Variants in RAB3IP observed in about 807,000 individuals in gnomAD.
RAB3IP encodes RAB3A interacting protein, also known as rab-3A-interacting protein.
Under a neutral mutation model 59.1 loss-of-function variants are expected in RAB3IP, and 36 were observed. That is an observed-to-expected ratio of 0.61 (90% CI 0.47 to 0.80). RAB3IP has a LOEUF of 0.80. Among genes scored for constraint, RAB3IP ranks in the 30% least tolerant of loss-of-function variants. The pLI is 0.00. For missense variants in RAB3IP, 511 were observed against 536.0 expected (o/e 0.95, Z 0.46); for synonymous variants, 207 against 191.2 (o/e 1.08, Z -0.68).
At chr12:69,748,623 T>A (rs1266111731) in intron 1 of RAB3IP, among the ~76,000 whole-genome samples, 1 of 152,192 alleles carries the variant, frequency 6.6e-6, no homozygotes, top group East Asian at 1.9e-4. Context: ...GCCAGCCAAG[T>A]TGTGTTGGTG....
At chr12:69,747,368 C>A (rs1017333401) in intron 1 of RAB3IP, among the ~76,000 whole-genome samples, 1 of 151,518 alleles carries the variant, frequency 6.6e-6, no homozygotes, top group Non-Finnish European at 1.5e-5. Context: ...CTCTGTTGCT[C>A]AGGCTGGAGT....
chr12:69,761,914 C>T (rs1288050258), intron 3 of RAB3IP, among the ~76,000 whole-genome samples: 2 of 152,076 alleles, frequency 1.3e-5, no homozygotes, highest in Admixed American at 6.5e-5. Context: ...TGTTTGGGGC[C>T]TTTGTAATTT....
At chr12:69,768,573 T>C (rs1469247442) in intron 3 of RAB3IP, among the ~76,000 whole-genome samples, 1 of 151,806 alleles carries the variant, frequency 6.6e-6, no homozygotes, top group South Asian at 2.1e-4. Context: ...TGGGGTGGAG[T>C]GAGAGGACTC....
intron 1 of RAB3IP, among the ~76,000 whole-genome samples, chr12:69,744,074 T>C (rs1592424674): frequency 1.3e-5 from 2 of 152,042 alleles, no homozygotes; most frequent in Non-Finnish European, 2.9e-5. Context: ...CCATGGTGGT[T>C]TGCTGCACCG....
intron 8 of RAB3IP, among the ~76,000 whole-genome samples, chr12:69,804,736 C>T (rs1395129776): frequency 1.3e-5 from 2 of 151,738 alleles, no homozygotes; most frequent in Non-Finnish European, 3.0e-5. Flanking sequence ...TTCCCAGCAC[C>T]ATTTATTAAA....
At chr12:69,766,566 G>T (rs1403316664) in intron 3 of RAB3IP, among the ~76,000 whole-genome samples, 6 of 151,348 alleles carry the variant, frequency 4.0e-5, no homozygotes, top group Admixed American at 2.0e-4. Flanking sequence ...TGTCACCCAG[G>T]CTGGAGTGCA....
At chr12:69,813,126 C>T in intron 10 of RAB3IP, 93 bp downstream of exon 10, 1 of 803,512 alleles carries the variant, frequency 1.2e-6, no homozygotes, top group Non-Finnish European at 2.0e-6. Context: ...AGTAGTAATG[C>T]TCATATCAGC....
At chr12:69,790,281 T>G (rs985750000) in intron 4 of RAB3IP, among the ~76,000 whole-genome samples, 2 of 152,162 alleles carry the variant, frequency 1.3e-5, no homozygotes, top group African/African-American at 4.8e-5. Context: ...AAAAGGAATT[T>G]AAGAGAACAA....
intron 3 of RAB3IP, among the ~76,000 whole-genome samples, chr12:69,768,329 G>T (rs1872562031): frequency 6.6e-6 from 1 of 152,190 alleles, no homozygotes; most frequent in African/African-American, 2.4e-5. Context: ...AATACCTGGA[G>T]ATCTGCCTGG....
intron 8 of RAB3IP, among the ~76,000 whole-genome samples, chr12:69,809,692 C>CG (rs1565931190): frequency 6.6e-6 from 1 of 152,176 alleles, no homozygotes; most frequent in African/African-American, 2.4e-5. Flanking sequence ...TTGATTGCAT[C>CG]GGTTACTGAG....
At chr12:69,755,219 C>CA (rs1323522781) in intron 1 of RAB3IP, among the ~76,000 whole-genome samples, 165 bp from the exon 2 acceptor site, 1 of 152,164 alleles carries the variant, frequency 6.6e-6, no homozygotes, top group Non-Finnish European at 1.5e-5. Context: ...GCTGGTACTA[C>CA]AGGCATATAC....
At chr12:69,812,278 G>A (rs552481046) in intron 8 of RAB3IP, 2 of 152,522 alleles carry the variant, frequency 1.3e-5, no homozygotes, top group African/African-American at 4.8e-5. Context: ...TTATAAGGTG[G>A]CTTATTCCTT....
At chr12:69,807,530 A>T (rs1376290065) in intron 8 of RAB3IP, among the ~76,000 whole-genome samples, 1 of 145,668 alleles carries the variant, frequency 6.9e-6, no homozygotes, top group Non-Finnish European at 1.5e-5. Flanking sequence ...CTCACCTCCC[A>T]GACAGGGTGG....
At chr12:69,755,689 T>C in intron 2 of RAB3IP, 30 bp downstream of exon 2, 1 of 1,564,402 alleles carries the variant, frequency 6.4e-7, no homozygotes, top group Non-Finnish European at 8.7e-7. Context: ...CTTATTTGAT[T>C]TTTTTTAAAA....
Position 69,821,599 on chromosome 12 carries a change from A to G in RAB3IP, c.*6153A>G, listed in dbSNP as rs1301343082. The G allele has an allele frequency of 6.6e-6, 1 of 152,170 alleles. No individual in the cohort carries two copies. Among genetic ancestry groups the G allele is most frequent in the Non-Finnish European group, 1.5e-5 (1 of 68,030 alleles). The allele number at this position is 152,170 out of a possible 1,614,324, so 9.4% of individuals were successfully genotyped here. The stretch of plus-strand genomic sequence containing the variant: ...ACACAATGTGCTATTTGTCCTTCAC[A>G]GTGTTTTGGTTTATTTTTCTGTTTG... On this transcript the variant is annotated 3_prime_UTR_variant, in exon 11 of 11. Coordinates refer to ENST00000247833, the MANE Select transcript of RAB3IP (RefSeq NM_022456.5).
chr12:69,806,015 ATG>A (rs1416305704), intron 8 of RAB3IP, among the ~76,000 whole-genome samples: 20 of 152,170 alleles, frequency 1.3e-4, no homozygotes, highest in African/African-American at 4.8e-4. Flanking sequence ...GCCTCATAAA[ATG>A]TGTTAGGGAG....
At chr12:69,759,572 G>A (rs991537850) in intron 3 of RAB3IP, among the ~76,000 whole-genome samples, 6 of 150,762 alleles carry the variant, frequency 4.0e-5, no homozygotes, top group South Asian at 2.1e-4. Context: ...GGGCAGAGGC[G>A]CCTCCGACCT....
chr12:69,771,009 C>A (rs1873016660), intron 3 of RAB3IP, among the ~76,000 whole-genome samples: 1 of 152,162 alleles, frequency 6.6e-6, no homozygotes, highest in South Asian at 2.1e-4. Context: ...TCATTCTACT[C>A]CTCCCTACTC....
intron 4 of RAB3IP, 109 bp from the exon 5 acceptor site, chr12:69,794,328 A>C (rs1877106808): frequency 1.2e-6 from 1 of 800,450 alleles, no homozygotes; most frequent in South Asian, 1.7e-5. Context: ...ACTTAACTTC[A>C]GGCTAACTTT....
Sources: allele counts gnomAD v4.1 joint callset (sites outside exome capture counted in the v4.1 genomes callset), GRCh38; gene constraint gnomAD v4.1.1; transcripts MANE v1.5; gene names NCBI Gene and HGNC (gene_info 2026-07-23, HGNC 2026-07-21).